Variants in TMEM43 observed in about 807,000 individuals in gnomAD.
TMEM43 encodes transmembrane protein 43.
Under a neutral mutation model 49.6 loss-of-function variants are expected in TMEM43, and 45 were observed. That is an observed-to-expected ratio of 0.91 (90% CI 0.71 to 1.16). The LOEUF is 1.16. Ranked by LOEUF, TMEM43 falls within the 50% of genes most tolerant of loss-of-function variation. TMEM43 has a pLI of 0.00. For synonymous variants in TMEM43, 199 were observed against 207.8 expected, an observed-to-expected ratio of 0.96 and a Z score of 0.36; for missense variants, 532 against 516.6, an observed-to-expected ratio of 1.03 and a Z score of -0.29.
chr3:14,129,307 T>TAAAAAAAAAAAAAAAAAAAAAA, intron 1 of TMEM43, 105 bp from the exon 2 acceptor site: 1 of 345,144 alleles, frequency 2.9e-6, no homozygotes, highest in Non-Finnish European at 4.5e-6. Context: ...CAGTTAAAAC[T>TAAAAAAAAAAAAAAAAAAAAAA]AAAAAAAAAA....
intron 2 of TMEM43, 126 bp from the exon 3 acceptor site, chr3:14,130,696 C>T: frequency 7.8e-7 from 1 of 1,278,338 alleles, no homozygotes; most frequent in Non-Finnish European, 1.1e-6. Flanking sequence ...AGTTTTCCAA[C>T]TGTACGGTGG....
intron 6 of TMEM43, 76 bp downstream of exon 6, chr3:14,133,011 A>G: frequency 7.9e-7 from 1 of 1,269,240 alleles, no homozygotes; most frequent in East Asian, 2.3e-5. Flanking sequence ...CTTCATCTGA[A>G]TAACAGGATT....
In TMEM43 at chr3:14,130,972, G is replaced by T. The variant is rs774970089; in HGVS notation, c.297+16G>T. 3 of 1,604,570 alleles carry T rather than the reference G, an allele frequency of 1.9e-6. No individual in the cohort carries two copies. In the Admixed American group the frequency reaches 5.0e-5, roughly 27 times the overall value. On this transcript the variant is annotated intron_variant, in intron 3 of 11. Transcript: ENST00000306077. ...GACATCCAAGGTAGGTTTGGCAGGGGATGCTGACCTGCCAGTGGCTCGGGG... is the reference window on the plus strand; with the variant it reads ...GACATCCAAGGTAGGTTTGGCAGGGTATGCTGACCTGCCAGTGGCTCGGGG...
At chr3:14,133,711 A>G (rs1279062886) in intron 6 of TMEM43, 28 bp from the exon 7 acceptor site, 1 of 1,612,220 alleles carries the variant, frequency 6.2e-7, no homozygotes. Flanking sequence ...ACCGGTGCCC[A>G]TCTCTGACAG....
intron 4 of TMEM43, 120 bp from the exon 5 acceptor site, chr3:14,132,426 C>A: frequency 2.0e-6 from 2 of 992,814 alleles, no homozygotes; most frequent in Non-Finnish European, 3.2e-6. Context: ...GAGAAGGCAT[C>A]TGCCGTATCT....
intron 4 of TMEM43, 86 bp downstream of exon 4, chr3:14,131,760 G>A: frequency 2.1e-6 from 2 of 962,830 alleles, no homozygotes; most frequent in Non-Finnish European, 3.3e-6. Context: ...CTTTCATTTT[G>A]ATACCTTTGA....
In TMEM43 at chr3:14,132,854, C is replaced by G. The variant is rs368555747; in HGVS notation, c.443-12C>G. 1.6e-5 allele frequency: 26 copies of G among 1,613,622 alleles called. No homozygotes were observed. Among genetic ancestry groups the G allele is most frequent in the Non-Finnish European group, 2.0e-5 (24 of 1,179,720 alleles). ...CTACCCGGGCTCTGAGTTGATTCCT[C>G]TCCCTGAGCAGACACTGAATGGAGG... is the stretch of plus-strand genomic sequence containing the variant. On this transcript the variant is annotated splice_polypyrimidine_tract_variant and intron_variant, in intron 5 of 11. Transcript: ENST00000306077.
intron 2 of TMEM43, among the ~76,000 whole-genome samples, 167 bp from the exon 3 acceptor site, chr3:14,130,655 T>G (rs1236841914): frequency 6.6e-6 from 1 of 152,030 alleles, no homozygotes; most frequent in African/African-American, 2.4e-5. Context: ...GAATCTGGGT[T>G]CCAGTCCTTA....
rs772350870 is a variant in TMEM43, at chr3:14,131,581, T to A, written c.299T>A (p.Leu100His). 6.2e-7 allele frequency: 1 copy of A among 1,614,084 alleles called. No homozygotes were observed. The highest frequency in any genetic ancestry group is 8.5e-7 in the Non-Finnish European group (1 of 1,179,910). Reference sequence around the variant, plus strand: ...TGGTTTCTTTGATTCTGTTTGAAGCTTTTGTCTGATCCAAACTATGGGGTC... The same window carrying A: ...TGGTTTCTTTGATTCTGTTTGAAGCATTTGTCTGATCCAAACTATGGGGTC... The part of the protein sequence containing the change: ...HIIGALRTSK[L>H]LSDPNYGVHL... The change falls in exon 4 of 12, where the codon CTT becomes CAT. Residue 100 changes from leucine (L) to histidine (H), a missense_variant and splice_region_variant. Leu to His is a moderately conservative substitution (Grantham distance 99). Transcript: ENST00000306077.
At chr3:14,133,174 AAG>A (rs1274885569) in intron 6 of TMEM43, among the ~76,000 whole-genome samples, 3 of 152,330 alleles carry the variant, frequency 2.0e-5, no homozygotes, top group Middle Eastern at 3.4e-3. Flanking sequence ...CTAAGCGTCT[AAG>A]GGGATTTGCA....
Position 14,129,465 on chromosome 3 carries a change from G to T in TMEM43, c.66G>T (p.Gln22His), listed in dbSNP as rs1199827592. The T allele has an allele frequency of 6.2e-7, 1 of 1,613,972 alleles. No homozygotes were observed. Among genetic ancestry groups the T allele is most frequent in the Non-Finnish European group, 8.5e-7 (1 of 1,180,006 alleles). ...ATGTCAAAGTTAAAACCAGCTCCCA[G>T]CCAGGCTTCCTGGAACGGCTGAGCG... ...REHVKVKTSS[Q>H]PGFLERLSET... The change falls in exon 2 of 12, where the codon CAG becomes CAT. Residue 22 changes from glutamine (Q) to histidine (H), a missense_variant. Gln to His is a conservative substitution (Grantham distance 24, BLOSUM62 0). Transcript: ENST00000306077.
chr3:14,139,653 C>A (rs1021657736), intron 11 of TMEM43, among the ~76,000 whole-genome samples: 5 of 152,218 alleles, frequency 3.3e-5, no homozygotes, highest in Non-Finnish European at 7.3e-5. Context: ...TCTGTCACGT[C>A]CAAGCTCTGG....
rs141389147 is a variant in TMEM43, at chr3:14,132,633, TG to T, written c.442+43del. 4.3e-3 allele frequency: 6,987 copies of T among 1,611,332 alleles called. 297 individuals carry two copies. The African/African-American group carries it at 0.082, about 19-fold the overall frequency. ...CCCCTTACGTGGTCTCTGCCCATGG[TG>T]GGGGCCCACAGTGGTGGCTGGACAG... On this transcript the variant is annotated intron_variant, in intron 5 of 11. Coordinates refer to ENST00000306077, the MANE Select transcript of TMEM43 (RefSeq NM_024334.3).
intron 1 of TMEM43, among the ~76,000 whole-genome samples, chr3:14,126,210 A>T (rs765051188): frequency 7.2e-5 from 11 of 152,288 alleles, no homozygotes; most frequent in South Asian, 2.1e-4. Context: ...CACTCCCAGG[A>T]CATTTCGGGC....
In TMEM43 at chr3:14,135,177, C is replaced by T. The variant is rs769486170; in HGVS notation, c.725C>T (p.Ser242Phe). The T allele has an allele frequency of 1.2e-6, 2 of 1,612,734 alleles. No homozygotes were observed. Among genetic ancestry groups the T allele is most frequent in the Non-Finnish European group, 1.7e-6 (2 of 1,180,020 alleles). ...CCCCAGGTGGGAGACTTGCGTGTCT[C>T]CTTTTCCTATGCTGGACTGAGCGGC... ...KYPEVGDLRV[S>F]FSYAGLSGDD... The change falls in exon 9 of 12, where the codon TCC becomes TTC. Residue 242 changes from serine (S) to phenylalanine (F), a missense_variant. Coordinates refer to ENST00000306077, the MANE Select transcript of TMEM43 (RefSeq NM_024334.3).
At position 14,130,841 on chromosome 3, in the gene TMEM43, C is replaced by G. The variant is rs1225730180; in HGVS notation, c.182C>G (p.Ala61Gly). The stretch of plus-strand genomic sequence containing the variant: ...TCCCAGGGCCGCGCATTGAAGACGG[C>G]AACCTCATTGGCTGAGGGGCTCTCG... ...FTNEGRALKT[A>G]TSLAEGLSLV... Residue 61 changes from alanine (A) to glycine (G), a missense_variant, in exon 3 of 12, where the codon GCA becomes GGA. Ala to Gly is a moderately conservative substitution (Grantham distance 60). Transcript: ENST00000306077. 8.1e-6 allele frequency: 13 copies of G among 1,613,718 alleles called. No homozygotes were observed. The highest frequency in any genetic ancestry group is 1.1e-5 in the Non-Finnish European group (13 of 1,179,892).
In TMEM43 at chr3:14,142,041, C is replaced by G. The variant is rs756181039; in HGVS notation, c.*246C>G. ...GCAGCAGCAGCTCATGAATGGCAAG[C>G]TGACAGCTTCTCCTGCTGTTTCCTT... On this transcript the variant is annotated 3_prime_UTR_variant, in exon 12 of 12. Transcript: ENST00000306077. 24 of 560,398 alleles carry G rather than the reference C, an allele frequency of 4.3e-5. No individual in the cohort carries two copies. Among genetic ancestry groups the G allele is most frequent in the Non-Finnish European group, 7.4e-5 (23 of 312,082 alleles). The allele number at this position is 560,398 out of a possible 1,614,324, so 34.7% of individuals were successfully genotyped here. A position where few individuals can be genotyped will look rare whatever the true frequency, so the allele number is the denominator to read the frequency against.
In TMEM43 at chr3:14,138,899, C is replaced by T. The variant is rs976855778; in HGVS notation, c.883-281C>T. Among the ~76,000 whole-genome samples the T allele has an allele frequency of 4.6e-5, 7 of 152,226 alleles. No homozygotes were observed. The East Asian group carries it at 7.7e-4, about 17-fold the overall frequency. ...CTGCTCAGGGGTGGTGGGCAGGGTCCTGCTCATTCCAGGTGAGACCGTGGG... is the reference window on the plus strand; with the variant it reads ...CTGCTCAGGGGTGGTGGGCAGGGTCTTGCTCATTCCAGGTGAGACCGTGGG... On this transcript the variant is annotated intron_variant, in intron 10 of 11. Coordinates refer to ENST00000306077, the MANE Select transcript of TMEM43 (RefSeq NM_024334.3).
At position 14,129,481 on chromosome 3, in the gene TMEM43, C is replaced by T. The variant is rs35028636; in HGVS notation, c.82C>T (p.Arg28Trp). 1.7e-3 allele frequency: 2,705 copies of T among 1,614,114 alleles called. 21 individuals carry two copies. The highest frequency in any genetic ancestry group is 0.016 in the African/African-American group (1,174 of 75,020). Residue 28 changes from arginine to tryptophan, a missense_variant, in exon 2 of 12, where the codon CGG becomes TGG. By Grantham distance (101) the Arg-to-Trp change is moderately radical. Coordinates refer to ENST00000306077, the MANE Select transcript of TMEM43 (RefSeq NM_024334.3). ...KTSSQPGFLE[R>W]LSETSGGMFV... ...CAGCTCCCAGCCAGGCTTCCTGGAACGGCTGAGCGAGACCTCGGGTGGGAT... is the reference window on the plus strand; with the variant it reads ...CAGCTCCCAGCCAGGCTTCCTGGAATGGCTGAGCGAGACCTCGGGTGGGAT...
Sources: allele counts gnomAD v4.1 joint callset (sites outside exome capture counted in the v4.1 genomes callset), GRCh38; gene constraint gnomAD v4.1.1; transcripts MANE v1.5; gene names NCBI Gene and HGNC (gene_info 2026-07-23, HGNC 2026-07-21).